CMBL: variants seen among roughly 807,000 people sequenced by gnomAD.
CMBL encodes the protein carboxymethylenebutenolidase homolog (Pseudomonas).
CMBL carries 17 observed loss-of-function variants against 28.7 expected under a neutral mutation model. That is an observed-to-expected ratio of 0.59 (90% confidence interval 0.41 to 0.89). The LOEUF (loss-of-function observed/expected upper bound fraction) is 0.89, where lower values mean the gene tolerates loss of function less well. CMBL is among the 40% of genes least tolerant of loss of function. The pLI is 0.00. For synonymous variants in CMBL, 106 were observed against 101.6 expected, an observed-to-expected ratio of 1.04 and a Z score of -0.26; for missense variants, 310 against 298.5, an observed-to-expected ratio of 1.04 and a Z score of -0.28.
In CMBL at chr5:10,286,470, A is replaced by G. The variant is rs1395393703; in HGVS notation, c.350T>C (p.Leu117Pro). Residue 117 changes from leucine to proline, a missense_variant, in exon 4 of 6, where the codon CTG (leucine) becomes CCG (proline). Transcript: ENST00000296658. ...TTTCTGGGCATGACACTGTTGTTTC[A>G]GATACTTCAAGATAGCACTGATCTC... ...DREISAILKY[L>P]KQQCHAQKIG... 1 of 1,614,136 alleles carries G rather than the reference A, an allele frequency of 6.2e-7. No individual in the cohort carries two copies. Among genetic ancestry groups the G allele is most frequent in the Non-Finnish European group, 8.5e-7 (1 of 1,179,982 alleles).
At position 10,288,554 on chromosome 5, in the gene CMBL, T is replaced by C. The variant is rs754526064; in HGVS notation, c.216-25A>G. The C allele has an allele frequency of 7.9e-6, 12 of 1,511,950 alleles. No individual in the cohort carries two copies. The Admixed American group carries it at 2.0e-4, about 25-fold the overall frequency. The allele number at this position is 1,511,950 out of a possible 1,614,324, so 93.7% of individuals were successfully genotyped here. On this transcript the variant is annotated intron_variant, in intron 2 of 5. Coordinates refer to ENST00000296658, the MANE Select transcript of CMBL (RefSeq NM_138809.4). ...TCTGCAAAATATGGACATGAATTGA[T>C]CTTAGTTTCAGAGTTGCTTGACTCA...
At chr5:10,286,251 C>T in intron 4 of CMBL, 103 bp downstream of exon 4, 2 of 1,172,502 alleles carry the variant, frequency 1.7e-6, no homozygotes, top group East Asian at 4.8e-5. Flanking sequence ...GCAGTCTTCA[C>T]ATTATTGGGG....
At chr5:10,291,445 G>A (rs374991092) in intron 1 of CMBL, among the ~76,000 whole-genome samples, 51 of 152,174 alleles carry the variant, frequency 3.4e-4, no homozygotes, top group African/African-American at 1.2e-3. Context: ...GGCGGATCAC[G>A]AGGTCAGGAG....
intron 4 of CMBL, among the ~76,000 whole-genome samples, chr5:10,285,238 G>C (rs938043357): frequency 6.6e-6 from 1 of 152,050 alleles, no homozygotes; most frequent in Non-Finnish European, 1.5e-5. Context: ...GCACAATCTT[G>C]GTTCACAGCA....
At chr5:10,299,741 C>T (rs1746863781) in intron 1 of CMBL, among the ~76,000 whole-genome samples, 1 of 151,226 alleles carries the variant, frequency 6.6e-6, no homozygotes, top group South Asian at 2.1e-4. Flanking sequence ...GTCCCAGCTA[C>T]TCAGGAGGCT....
chr5:10,282,093 G>A, intron 5 of CMBL, 104 bp downstream of exon 5: 1 of 748,588 alleles, frequency 1.3e-6, no homozygotes, highest in East Asian at 2.8e-5. Flanking sequence ...CTGGGAGGTG[G>A]AGGTTGCAGT....
chr5:10,286,331 A>G, intron 4 of CMBL, 23 bp downstream of exon 4: 1 of 1,608,750 alleles, frequency 6.2e-7, no homozygotes. Context: ...TGCATGGAGT[A>G]AAAATGCACA....
Position 10,279,228 on chromosome 5 carries a change from C to A in CMBL, c.*1225G>T, listed in dbSNP as rs2126535093. Reference sequence around the variant, plus strand: ...TGCTTAGGAGACAACAGCTGGGTGACAACTCTAGCCCACCGTTCTCTGCTA... The same window carrying A: ...TGCTTAGGAGACAACAGCTGGGTGAAAACTCTAGCCCACCGTTCTCTGCTA... On this transcript the variant is annotated 3_prime_UTR_variant, in exon 6 of 6. Transcript: ENST00000296658. 1 of 152,272 alleles carries A rather than the reference C, an allele frequency of 6.6e-6. No individual in the cohort carries two copies. The highest frequency in any genetic ancestry group is 1.5e-5 in the Non-Finnish European group (1 of 68,022). 9.4% of individuals were successfully genotyped at this position (152,272 alleles called of 1,614,324 possible).
intron 2 of CMBL, among the ~76,000 whole-genome samples, chr5:10,290,201 A>T (rs1437929972): frequency 6.6e-6 from 1 of 152,188 alleles, no homozygotes; most frequent in Non-Finnish European, 1.5e-5. Flanking sequence ...CTGTTGAAGG[A>T]CCGAGTCACG....
rs1407453786 is a variant in CMBL at position 10,278,360 on chromosome 5, C to T, written c.*2093G>A. Among the ~76,000 whole-genome samples, 6 of 152,186 alleles carry T rather than the reference C, an allele frequency of 3.9e-5. No individual in the cohort carries two copies. The highest frequency in any genetic ancestry group is 4.1e-4 in the South Asian group (2 of 4,828). On this transcript the variant is annotated 3_prime_UTR_variant, in exon 6 of 6. Coordinates refer to ENST00000296658, the MANE Select transcript of CMBL (RefSeq NM_138809.4). ...CCTCCTGGGACCACCTTCCCATGGA[C>T]AGCTGGATACCACCTGCTTGACTTG...
rs531777387 is a variant in CMBL at position 10,290,584 on chromosome 5, C to T, written c.179G>A (p.Arg60Lys). Reference sequence around the variant, plus strand: ...TCCTGAGATCATGTCAGCTATATATCTGGTATTGGGCAACTGCCAGCCAAA... The same window carrying T: ...TCCTGAGATCATGTCAGCTATATATTTGGTATTGGGCAACTGCCAGCCAAA... ...DIFGWQLPNT[R>K]YIADMISGNG... The change falls in exon 2 of 6, where the codon AGA becomes AAA. Residue 60 changes from arginine to lysine, a missense_variant. Arg to Lys is a conservative substitution (Grantham distance 26). Transcript: ENST00000296658. 6.2e-7 allele frequency: 1 copy of T among 1,614,102 alleles called. No homozygotes were observed. The highest frequency in any genetic ancestry group is 1.1e-5 in the South Asian group (1 of 91,086).
chr5:10,305,096 T>C (rs937148757), intron 1 of CMBL, among the ~76,000 whole-genome samples: 7 of 152,206 alleles, frequency 4.6e-5, no homozygotes, highest in Admixed American at 1.3e-4. Flanking sequence ...TTCTGTATCA[T>C]GGCAGATGTG....
chr5:10,286,527 C>T, intron 3 of CMBL, 31 bp from the exon 4 acceptor site: 4 of 1,603,384 alleles, frequency 2.5e-6, no homozygotes, highest in Non-Finnish European at 3.4e-6. Flanking sequence ...ATTCAAGAAT[C>T]AGGCTTATTT....
At chr5:10,305,643 C>T (rs1356537617) in intron 1 of CMBL, among the ~76,000 whole-genome samples, 1 of 152,284 alleles carries the variant, frequency 6.6e-6, no homozygotes, top group African/African-American at 2.4e-5. Flanking sequence ...GCAATCTCCG[C>T]TCACTGCAAC....
At chr5:10,297,485 G>A (rs1245788169) in intron 1 of CMBL, among the ~76,000 whole-genome samples, 3 of 150,696 alleles carry the variant, frequency 2.0e-5, no homozygotes, top group African/African-American at 4.9e-5. Context: ...CAGGAGAATC[G>A]CTTGAACCGG....
chr5:10,287,233 C>T lies in CMBL; in HGVS notation c.324-737G>A, dbSNP rs561198172. ...TAGCACGATTGCAAAGATATGCAAC[C>T]GAAGCGCCCATTGACCAATGAGTGG... On this transcript the variant is annotated intron_variant, in intron 3 of 5. Transcript: ENST00000296658. 7.9e-4 allele frequency among the ~76,000 whole-genome samples: 121 copies of T among 152,302 alleles called. No individual in the cohort carries two copies. In the South Asian group the frequency reaches 9.7e-3, roughly 12 times the overall value.
At chr5:10,282,986 A>G (rs893633652) in intron 4 of CMBL, among the ~76,000 whole-genome samples, 7 of 150,004 alleles carry the variant, frequency 4.7e-5, no homozygotes, top group African/African-American at 1.5e-4. Flanking sequence ...GCTACTCGGG[A>G]GGCTGAGGCA....
chr5:10,286,188 G>T, intron 4 of CMBL, 166 bp downstream of exon 4: 1 of 667,536 alleles, frequency 1.5e-6, no homozygotes, highest in Non-Finnish European at 2.4e-6. Flanking sequence ...TTAACTGCAT[G>T]ACAAACCTCC....
chr5:10,290,480 T>G, intron 2 of CMBL, 68 bp downstream of exon 2: 1 of 1,405,972 alleles, frequency 7.1e-7, no homozygotes, highest in Non-Finnish European at 1.0e-6. Flanking sequence ...TTTTATTTTT[T>G]AAAGGGAACA....
Sources: allele counts gnomAD v4.1 joint callset (sites outside exome capture counted in the v4.1 genomes callset), GRCh38; gene constraint gnomAD v4.1.1; transcripts MANE v1.5; gene names NCBI Gene and HGNC (gene_info 2026-07-23, HGNC 2026-07-21).